Variants in DAB1 observed in about 807,000 individuals in gnomAD.
DAB1 encodes the protein disabled homolog 1.
In DAB1, 15 loss-of-function variants were observed where a neutral mutation model predicts 64.6. The ratio of observed to expected loss-of-function variants is 0.23; its 90% confidence interval spans 0.16 to 0.36. The LOEUF (loss-of-function observed/expected upper bound fraction) is 0.36. Among genes scored for constraint, DAB1 ranks in the 10% least tolerant of loss-of-function variants. DAB1 has a pLI of 1.00. For synonymous variants in DAB1, 235 were observed against 251.9 expected, an observed-to-expected ratio of 0.93 and a Z score of 0.64; for missense variants, 596 against 706.7, an observed-to-expected ratio of 0.84 and a Z score of 1.78.
chr1:57,123,402 AATT>A (rs1338828865), intron 4 of DAB1, among the ~76,000 whole-genome samples: 5 of 152,196 alleles, frequency 3.3e-5, no homozygotes, highest in African/African-American at 1.2e-4. Flanking sequence ...CAGATTCTGA[AATT>A]AGGACAGAGG....
Position 57,015,415 on chromosome 1 carries a change from G to A in DAB1, c.912C>T (p.Gly304=), listed in dbSNP as rs1482139714. Residue 304 remains glycine, a synonymous_variant, in exon 12 of 15, where the codon GGC becomes GGT. Transcript: ENST00000371236. Reference sequence around the variant, plus strand: ...GACCCCAGAAGGACGGGAGGACAGCGCCCATTGCAACGTAACCTGGGAGAA... The same window carrying A: ...GACCCCAGAAGGACGGGAGGACAGCACCCATTGCAACGTAACCTGGGAGAA... ...AAVPSGYVAM[G]AVLPSFWGQQ... 3.1e-6 allele frequency: 5 copies of A among 1,609,092 alleles called. No homozygotes were observed. The highest frequency in any genetic ancestry group is 3.4e-5 in the Admixed American group (2 of 59,312).
At chr1:57,798,173 C>T (rs938702688) in intron 6 of DAB1, among the ~76,000 whole-genome samples, 2 of 152,170 alleles carry the variant, frequency 1.3e-5, no homozygotes, top group African/African-American at 2.4e-5. Flanking sequence ...AAGCTCTTTA[C>T]CACTGATCGA....
At chr1:58,456,155 T>A (rs1557768942) in intron 3 of DAB1, among the ~76,000 whole-genome samples, 1 of 152,248 alleles carries the variant, frequency 6.6e-6, no homozygotes, top group East Asian at 1.9e-4. Context: ...TTCCCTAAAT[T>A]CAGGGTAACA....
chr1:57,965,742 A>G (rs989114938), intron 5 of DAB1, among the ~76,000 whole-genome samples: 2 of 152,192 alleles, frequency 1.3e-5, no homozygotes, highest in Non-Finnish European at 2.9e-5. Flanking sequence ...TGCACAAAGG[A>G]GAAATGCAGA....
chr1:57,469,645 G>C (rs1161882584), intron 7 of DAB1, among the ~76,000 whole-genome samples: 1 of 152,116 alleles, frequency 6.6e-6, no homozygotes, highest in Non-Finnish European at 1.5e-5. Flanking sequence ...CCAGATATGT[G>C]TATATAATTC....
At chr1:58,141,173 C>T (rs961300941) in intron 5 of DAB1, among the ~76,000 whole-genome samples, 6 of 151,950 alleles carry the variant, frequency 3.9e-5, no homozygotes, top group African/African-American at 1.5e-4. Context: ...GCTCTCACGC[C>T]GCTAATAAGG....
At chr1:57,799,058 G>A (rs1331811332) in intron 6 of DAB1, among the ~76,000 whole-genome samples, 3 of 152,312 alleles carry the variant, frequency 2.0e-5, no homozygotes, top group South Asian at 2.1e-4. Context: ...TCCTGGCTCT[G>A]TTAAATACTA....
intron 5 of DAB1, among the ~76,000 whole-genome samples, chr1:57,901,047 A>C (rs929802123): frequency 6.6e-6 from 1 of 152,176 alleles, no homozygotes; most frequent in Non-Finnish European, 1.5e-5. Context: ...TTTAGTTCTC[A>C]TGCTATCCAT....
chr1:58,415,189 T>C (rs958177419), intron 3 of DAB1, among the ~76,000 whole-genome samples: 1 of 152,092 alleles, frequency 6.6e-6, no homozygotes, highest in Non-Finnish European at 1.5e-5. Context: ...TGTGAGAACA[T>C]AGCAAGAAGG....
chr1:57,189,141 C>G (rs1663885683), intron 2 of DAB1, among the ~76,000 whole-genome samples: 1 of 152,304 alleles, frequency 6.6e-6, no homozygotes, highest in Non-Finnish European at 1.5e-5. Flanking sequence ...CTTCTTTCCT[C>G]TTTTCCTACC....
chr1:57,106,492 G>A (rs923644530), intron 4 of DAB1, among the ~76,000 whole-genome samples: 1 of 152,114 alleles, frequency 6.6e-6, no homozygotes, highest in Admixed American at 6.5e-5. Flanking sequence ...GATGTATGTG[G>A]GTCTGGATCA....
chr1:57,553,471 A>AG lies in DAB1; in HGVS notation n.625+96120dup, dbSNP rs1443945421. On this transcript the variant is annotated intron_variant and non_coding_transcript_variant, in intron 7 of 20. Transcript: ENST00000485760. The stretch of plus-strand genomic sequence containing the variant: ...AAGAAAGAAAGAAAGAGAAAGGGAA[A>AG]GAAAGGAAGGAAGGAAGGAAGGAAG... 9.8e-4 allele frequency among the ~76,000 whole-genome samples: 98 copies of AG among 100,238 alleles called. 2 individuals carry two copies. The highest frequency in any genetic ancestry group is 3.5e-3 in the African/African-American group (98 of 28,240). 65.8% of individuals were successfully genotyped at this position (100,238 alleles called of 152,430 possible).
At chr1:58,321,917 C>A (rs1662693225) in intron 4 of DAB1, among the ~76,000 whole-genome samples, 1 of 152,204 alleles carries the variant, frequency 6.6e-6, no homozygotes, top group Non-Finnish European at 1.5e-5. Flanking sequence ...AGTGGTTCTC[C>A]CAGCATGGTG....
Position 57,971,408 on chromosome 1 carries a change from A to G in DAB1, n.388-87246T>C, listed in dbSNP as rs572693857. Among the ~76,000 whole-genome samples, 111 of 152,218 alleles carry G rather than the reference A, an allele frequency of 7.3e-4. 1 individual carries two copies. Among genetic ancestry groups the G allele is most frequent in the Non-Finnish European group, 3.5e-4 (24 of 68,024 alleles). On this transcript the variant is annotated intron_variant and non_coding_transcript_variant, in intron 5 of 20. Coordinates refer to the DAB1 transcript ENST00000485760. ...ATTTTCATGACTATCCTTTGACAGTAACAACTAGCTAGGTCTAGAGTTCTG... is the reference window on the plus strand; with the variant it reads ...ATTTTCATGACTATCCTTTGACAGTGACAACTAGCTAGGTCTAGAGTTCTG...
intron 4 of DAB1, among the ~76,000 whole-genome samples, chr1:58,214,198 C>A (rs1330316596): frequency 6.6e-6 from 1 of 152,160 alleles, no homozygotes; most frequent in Non-Finnish European, 1.5e-5. Flanking sequence ...GCCATTAAAG[C>A]CTCCAAGTCT....
At chr1:57,385,482 T>C (rs1252662592) in intron 1 of DAB1, among the ~76,000 whole-genome samples, 1 of 152,192 alleles carries the variant, frequency 6.6e-6, no homozygotes, top group Non-Finnish European at 1.5e-5. Flanking sequence ...AGCAAACATT[T>C]ACTTAGCAAC....
intron 3 of DAB1, chr1:58,480,964 T>C: frequency 1.2e-6 from 1 of 860,876 alleles, no homozygotes; most frequent in Non-Finnish European, 2.0e-6. Context: ...TAAATTTTAA[T>C]TCAACTGCCC....
chr1:58,498,957 G>A (rs750747019), intron 3 of DAB1, among the ~76,000 whole-genome samples: 2 of 152,066 alleles, frequency 1.3e-5, no homozygotes, highest in Non-Finnish European at 2.9e-5. Flanking sequence ...AGGCCACCTT[G>A]ACATAGGACA....
intron 2 of DAB1, among the ~76,000 whole-genome samples, chr1:57,273,433 TAAGCA>T (rs1419999316): frequency 1.3e-5 from 2 of 152,118 alleles, no homozygotes; most frequent in South Asian, 4.1e-4. Context: ...ACTCCTCTGC[TAAGCA>T]ACTTTGGCTT....
Sources: gnomAD v4.1 joint callset for allele counts (sites outside exome capture counted in the v4.1 genomes callset) on GRCh38, gnomAD v4.1.1 for gene constraint, MANE v1.5 for transcripts, NCBI Gene and HGNC (gene_info 2026-07-23, HGNC 2026-07-21) for gene names.